Variants in SOX5 observed in about 807,000 individuals in gnomAD.
SOX5 encodes transcription factor SOX-5.
Under a neutral mutation model 92.0 loss-of-function variants are expected in SOX5, and 9 were observed. The ratio of observed to expected loss-of-function variants is 0.10; its 90% confidence interval spans 0.06 to 0.17. SOX5 has a LOEUF of 0.17. SOX5 is among the 10% of genes least tolerant of loss of function. The pLI, the probability that SOX5 is intolerant of heterozygous loss-of-function variation, is 1.00. For synonymous variants in SOX5, 344 were observed against 336.3 expected, an observed-to-expected ratio of 1.02 and a Z score of -0.25; for missense variants, 642 against 944.5, an observed-to-expected ratio of 0.68 and a Z score of 4.20.
intron 1 of SOX5, among the ~76,000 whole-genome samples, chr12:23,904,791 T>A (rs2097274055): frequency 6.6e-6 from 1 of 152,190 alleles, no homozygotes; most frequent in African/African-American, 2.4e-5. Flanking sequence ...AAGTACTTCG[T>A]TACACCTTTC....
chr12:24,138,957 GA>G lies in SOX5; in HGVS notation c.-2+74385del, dbSNP rs141509669. ...GATAATATGCAAGGCTAAAATGTCA[GA>G]AGCTATTAGAAACTCTCAGATGCAC... On this transcript the variant is annotated intron_variant, in intron 4 of 4. Coordinates refer to the SOX5 transcript ENST00000446891. 7.1e-3 allele frequency among the ~76,000 whole-genome samples: 1,075 copies of G among 152,272 alleles called. 13 individuals are homozygous for G. Among genetic ancestry groups the G allele is most frequent in the African/African-American group, 0.025 (1,018 of 41,524 alleles).
intron 2 of SOX5, among the ~76,000 whole-genome samples, chr12:24,330,863 A>T (rs763038315): frequency 2.6e-5 from 4 of 152,212 alleles, no homozygotes; most frequent in Non-Finnish European, 5.9e-5. Context: ...CCAAACACTG[A>T]AGAATCAAAG....
At chr12:24,262,073 A>T (rs1942178436) in intron 3 of SOX5, among the ~76,000 whole-genome samples, 1 of 152,238 alleles carries the variant, frequency 6.6e-6, no homozygotes, top group African/African-American at 2.4e-5. Context: ...TACAATTCAC[A>T]GGCATCATTA....
chr12:24,327,852 A>C lies in SOX5; in HGVS notation c.-174+40711T>G, dbSNP rs144316157. Reference sequence around the variant, plus strand: ...CGTGATCCGCCCGCCTCAGCCTCCCATAATTTCGTATTTTTTTTTTGGTAG... The same window carrying C: ...CGTGATCCGCCCGCCTCAGCCTCCCCTAATTTCGTATTTTTTTTTTGGTAG... On this transcript the variant is annotated intron_variant, in intron 2 of 4. Transcript: ENST00000446891. Among the ~76,000 whole-genome samples, 334 of 150,802 alleles carry C rather than the reference A, an allele frequency of 2.2e-3. 3 individuals carry two copies. In the East Asian group the frequency reaches 0.023, roughly 10 times the overall value.
intron 1 of SOX5, among the ~76,000 whole-genome samples, chr12:24,441,419 C>G (rs1313424812): frequency 6.6e-6 from 1 of 152,166 alleles, no homozygotes; most frequent in East Asian, 1.9e-4. Flanking sequence ...TAAGTATGTG[C>G]AAATTATTAC....
At chr12:23,892,351 A>G (rs1050146970) in intron 2 of SOX5, among the ~76,000 whole-genome samples, 36 of 152,206 alleles carry the variant, frequency 2.4e-4, no homozygotes, top group African/African-American at 8.4e-4. Flanking sequence ...TGGTATGCTC[A>G]TGAACATGTG....
In SOX5 at chr12:23,753,189, A is replaced by T. The variant is rs907563470; in HGVS notation, c.568+2449T>A. ...TTTTTACTTTTTGAATATTAATAGT[A>T]AGAAACACTTCTCTAAACCCTTCCA... is the stretch of plus-strand genomic sequence containing the variant. On this transcript the variant is annotated intron_variant, in intron 4 of 14. Transcript: ENST00000451604. 6.6e-5 allele frequency among the ~76,000 whole-genome samples: 10 copies of T among 151,920 alleles called. No homozygotes were observed. The East Asian group carries it at 1.6e-3, about 24-fold the overall frequency.
At chr12:24,315,200 TCTTA>T (rs1306517243) in intron 2 of SOX5, among the ~76,000 whole-genome samples, 2 of 152,212 alleles carry the variant, frequency 1.3e-5, no homozygotes, top group East Asian at 1.9e-4. Context: ...TCATCTGTGC[TCTTA>T]CTAACTAGGT....
chr12:24,169,788 G>A (rs12825185), intron 4 of SOX5, among the ~76,000 whole-genome samples: 17,647 of 152,196 alleles, frequency 0.12, 1,548 homozygotes, highest in East Asian at 0.44. Context: ...TCTTCTAGCC[G>A]TTTGTTTATA....
chr12:23,663,709 A>T (rs2083383223), intron 7 of SOX5, among the ~76,000 whole-genome samples: 1 of 152,176 alleles, frequency 6.6e-6, no homozygotes, highest in South Asian at 2.1e-4. Context: ...AAGTAGAAAC[A>T]AAACAAAAAA....
intron 4 of SOX5, among the ~76,000 whole-genome samples, chr12:24,139,377 C>G (rs1196516691): frequency 1.3e-5 from 2 of 152,066 alleles, no homozygotes; most frequent in Non-Finnish European, 2.9e-5. Context: ...ATACAAGAAG[C>G]CCATTACTGT....
At chr12:24,062,000 A>G (rs36124182) in intron 4 of SOX5, among the ~76,000 whole-genome samples, 7,170 of 152,278 alleles carry the variant, frequency 0.047, 224 homozygotes, top group Middle Eastern at 0.095. Context: ...AAAAATGTAG[A>G]AAAGAAGATA....
Position 24,040,293 on chromosome 12 carries a change from C to T in SOX5, c.-1-144269G>A, listed in dbSNP as rs186111067. 1.5e-4 allele frequency among the ~76,000 whole-genome samples: 23 copies of T among 152,292 alleles called. No individual in the cohort carries two copies. In the East Asian group the frequency reaches 4.4e-3, roughly 29 times the overall value. On this transcript the variant is annotated intron_variant, in intron 4 of 4. Coordinates refer to the SOX5 transcript ENST00000446891. ...GTGTAACCTTAAATAAATTACTTAGCATCTCTGAGTCTTTACTTTCTAAAC... is the reference window on the plus strand; with the variant it reads ...GTGTAACCTTAAATAAATTACTTAGTATCTCTGAGTCTTTACTTTCTAAAC...
chr12:24,404,654 A>G (rs1962505680), intron 1 of SOX5, among the ~76,000 whole-genome samples: 1 of 152,196 alleles, frequency 6.6e-6, no homozygotes, highest in Non-Finnish European at 1.5e-5. Context: ...AGTGTAGGAT[A>G]GCAGAAAGAA....
In SOX5 at chr12:23,533,828, A is replaced by G. The variant is rs574213923; in HGVS notation, c.*391T>C. On this transcript the variant is annotated 3_prime_UTR_variant, in exon 15 of 15. Coordinates refer to ENST00000451604, the MANE Select transcript of SOX5 (RefSeq NM_006940.6). Reference sequence around the variant, plus strand: ...ATTGTAGCACAAAACAACAAAACACATTCACAAGCCACTTGTTGGCACTGT... The same window carrying G: ...ATTGTAGCACAAAACAACAAAACACGTTCACAAGCCACTTGTTGGCACTGT... The G allele has an allele frequency of 6.4e-6, 1 of 156,112 alleles. No individual in the cohort carries two copies. Among genetic ancestry groups the G allele is most frequent in the Admixed American group, 6.5e-5 (1 of 15,434 alleles). 9.7% of individuals were successfully genotyped at this position (156,112 alleles called of 1,614,324 possible).
chr12:24,090,135 C>A (rs1443989651), intron 4 of SOX5, among the ~76,000 whole-genome samples: 1 of 152,066 alleles, frequency 6.6e-6, no homozygotes, highest in East Asian at 1.9e-4. Context: ...ATGGAGACTA[C>A]CCCATTTTTA....
At position 24,344,304 on chromosome 12, in the gene SOX5, A is replaced by T. The variant is rs1467484276; in HGVS notation, c.-174+24259T>A. ...CTCAAAAAAAAAAAAAAAAAAAAAA[A>T]AAAAAATCAAGTAAGATACAAATGG... On this transcript the variant is annotated intron_variant, in intron 2 of 4. Coordinates refer to the SOX5 transcript ENST00000446891. 1.3e-4 allele frequency among the ~76,000 whole-genome samples: 19 copies of T among 144,124 alleles called. No homozygotes were observed. The East Asian group carries it at 3.6e-3, about 27-fold the overall frequency. 94.6% of individuals were successfully genotyped at this position (144,124 alleles called of 152,430 possible).
At chr12:23,775,069 C>T (rs1007437907) in intron 3 of SOX5, among the ~76,000 whole-genome samples, 6 of 152,046 alleles carry the variant, frequency 3.9e-5, no homozygotes, top group Non-Finnish European at 7.4e-5. Context: ...ATAAAAATTA[C>T]AAGACAACTT....
At chr12:24,480,244 A>C (rs1176166692) in intron 1 of SOX5, among the ~76,000 whole-genome samples, 1 of 152,198 alleles carries the variant, frequency 6.6e-6, no homozygotes, top group Non-Finnish European at 1.5e-5. Flanking sequence ...CTCTTGCCAT[A>C]TACAAAAATC....
Sources: gnomAD v4.1 joint callset for allele counts (sites outside exome capture counted in the v4.1 genomes callset) on GRCh38, gnomAD v4.1.1 for gene constraint, MANE v1.5 for transcripts, NCBI Gene and HGNC (gene_info 2026-07-23, HGNC 2026-07-21) for gene names.